Variants in GNB4 observed in about 807,000 individuals in gnomAD.
GNB4 encodes the protein G protein subunit beta 4, also known as guanine nucleotide-binding protein subunit beta-4.
A neutral mutation model predicts 45.2 loss-of-function variants in GNB4; 28 were observed. The ratio of observed to expected loss-of-function variants is 0.62; its 90% CI spans 0.46 to 0.85. The LOEUF (loss-of-function observed/expected upper bound fraction) is 0.85. Among genes scored for constraint, GNB4 ranks in the 40% least tolerant of loss-of-function variants. The probability of loss-of-function intolerance (pLI) is 0.00; values close to 1 mark genes in which losing one functional copy is unlikely to be tolerated. For missense variants in GNB4, 321 were observed against 425.4 expected (o/e 0.75, Z 2.16); for synonymous variants, 132 against 143.7 (o/e 0.92, Z 0.58).
At chr3:179,424,328 A>AGT (rs1228995934) in intron 2 of GNB4, among the ~76,000 whole-genome samples, 1 of 152,248 alleles carries the variant, frequency 6.6e-6, no homozygotes, top group African/African-American at 2.4e-5. Flanking sequence ...AATTCCTTCT[A>AGT]GTGGGTGCAG....
the GNB4 span, among the ~76,000 whole-genome samples, chr3:179,472,445 C>T: frequency 2.0e-5 from 3 of 149,570 alleles, no homozygotes; most frequent in South Asian, 2.1e-4. Flanking sequence ...GATCTCAGCT[C>T]ACTGCAGCCT....
chr3:179,490,470 G>A, the GNB4 span, among the ~76,000 whole-genome samples: 1 of 152,160 alleles, frequency 6.6e-6, no homozygotes, highest in African/African-American at 2.4e-5. Flanking sequence ...CATTAGGGGA[G>A]TTGGCTTATG....
intron 4 of GNB4, among the ~76,000 whole-genome samples, chr3:179,416,868 T>G (rs1455823173): frequency 6.6e-6 from 1 of 152,200 alleles, no homozygotes; most frequent in Non-Finnish European, 1.5e-5. Context: ...ACTTACTGAC[T>G]TACTTAAATT....
chr3:179,493,913 T>G, the GNB4 span, among the ~76,000 whole-genome samples: 20 of 152,236 alleles, frequency 1.3e-4, no homozygotes, highest in African/African-American at 4.8e-4. Context: ...TTGATCTCTC[T>G]TTCTTTTCCC....
intron 1 of GNB4, among the ~76,000 whole-genome samples, chr3:179,448,400 A>G (rs1434499528): frequency 1.3e-5 from 2 of 152,048 alleles, no homozygotes; most frequent in African/African-American, 4.8e-5. Flanking sequence ...CATACAAATA[A>G]TAGCCTACTA....
chr3:179,413,272 C>A (rs899941335), intron 8 of GNB4, 140 bp downstream of exon 8: 1 of 658,376 alleles, frequency 1.5e-6, no homozygotes, highest in South Asian at 1.9e-5. Context: ...AATCAAAAAC[C>A]CTTATGACTT....
the GNB4 span, among the ~76,000 whole-genome samples, chr3:179,494,310 G>A: frequency 1.3e-5 from 2 of 151,666 alleles, no homozygotes; most frequent in Non-Finnish European, 2.9e-5. Context: ...AGGAAGGAAG[G>A]AAGGAAAGAA....
chr3:179,416,410 T>C, intron 5 of GNB4, 83 bp downstream of exon 5: 4 of 758,218 alleles, frequency 5.3e-6, no homozygotes, highest in Non-Finnish European at 6.6e-6. Context: ...CAATTTAAGT[T>C]TGAGGTAAAA....
chr3:179,460,075 C>G, the GNB4 span, among the ~76,000 whole-genome samples: 5 of 152,334 alleles, frequency 3.3e-5, no homozygotes, highest in African/African-American at 1.2e-4. Flanking sequence ...CTCATCCTTT[C>G]TGTCAGATGG....
the GNB4 span, among the ~76,000 whole-genome samples, chr3:179,520,972 C>A: frequency 0.21 from 31,972 of 151,988 alleles, 3,623 homozygotes; most frequent in Admixed American, 0.31. Flanking sequence ...TCAAGGAAAT[C>A]ACTTCTCAGT....
At chr3:179,505,757 T>G in the GNB4 span, among the ~76,000 whole-genome samples, 1 of 152,324 alleles carries the variant, frequency 6.6e-6, no homozygotes, top group South Asian at 2.1e-4. Flanking sequence ...AGTCATCATA[T>G]GACTTCATCA....
chr3:179,474,627 G>A, the GNB4 span, among the ~76,000 whole-genome samples: 1 of 151,308 alleles, frequency 6.6e-6, no homozygotes, highest in East Asian at 2.0e-4. Flanking sequence ...CACTGAAGTA[G>A]CAAGAGTCTA....
Position 179,436,385 on chromosome 3 carries a change from C to T in GNB4, c.-42-10143G>A, listed in dbSNP as rs149988937. On this transcript the variant is annotated intron_variant, in intron 1 of 9. Coordinates refer to ENST00000232564, the MANE Select transcript of GNB4 (RefSeq NM_021629.4). ...CGCCTGGGCAATGAGAGTGAAACTC[C>T]ATCTCAAAATAAAATAAAATGAAAT... Among the ~76,000 whole-genome samples the T allele has an allele frequency of 3.0e-3, 455 of 152,132 alleles. 6 individuals carry two copies. The highest frequency in any genetic ancestry group is 0.01 in the African/African-American group (435 of 41,498).
chr3:179,477,659 G>C, the GNB4 span, among the ~76,000 whole-genome samples: 1 of 152,096 alleles, frequency 6.6e-6, no homozygotes, highest in African/African-American at 2.4e-5. Context: ...GTCACTTAAG[G>C]CCAGGAGTTC....
chr3:179,467,946 T>A, the GNB4 span, among the ~76,000 whole-genome samples: 4 of 150,420 alleles, frequency 2.7e-5, no homozygotes, highest in Non-Finnish European at 5.9e-5. Context: ...ATTGAAAATT[T>A]GCAGGAAGGA....
chr3:179,466,424 A>G, the GNB4 span, among the ~76,000 whole-genome samples: 2 of 152,334 alleles, frequency 1.3e-5, no homozygotes, highest in Admixed American at 6.5e-5. Flanking sequence ...AAGCAGAAGT[A>G]GCTCCTGCTC....
At chr3:179,423,107 A>T (rs189315488) in intron 2 of GNB4, among the ~76,000 whole-genome samples, 1 of 152,220 alleles carries the variant, frequency 6.6e-6, no homozygotes. Flanking sequence ...ATTTTTAAAT[A>T]TAGTGTGACA....
the GNB4 span, among the ~76,000 whole-genome samples, chr3:179,487,460 A>G: frequency 1.3e-5 from 2 of 152,122 alleles, no homozygotes; most frequent in Admixed American, 1.3e-4. Context: ...AACCTTAAAA[A>G]CTGAGTTCCC....
At chr3:179,422,072 T>C (rs1183316261) in intron 2 of GNB4, among the ~76,000 whole-genome samples, 1 of 152,220 alleles carries the variant, frequency 6.6e-6, no homozygotes, top group Non-Finnish European at 1.5e-5. Flanking sequence ...GAACACTATG[T>C]GTCAGGCACT....
Sources: gnomAD v4.1 joint callset for allele counts (sites outside exome capture counted in the v4.1 genomes callset) on GRCh38, gnomAD v4.1.1 for gene constraint, MANE v1.5 for transcripts, NCBI Gene and HGNC (gene_info 2026-07-23, HGNC 2026-07-21) for gene names.